Variants in IL1RAPL2 observed in about 807,000 individuals in gnomAD.
IL1RAPL2 encodes X-linked interleukin-1 receptor accessory protein-like 2.
Under a neutral mutation model 44.1 loss-of-function variants are expected in IL1RAPL2, and 3 were observed. That is an observed-to-expected ratio of 0.07 (90% CI 0.03 to 0.18). The LOEUF is 0.18. Ranked by LOEUF, IL1RAPL2 falls within the 10% of genes least tolerant of loss-of-function variation. IL1RAPL2 has a pLI of 1.00. For synonymous variants in IL1RAPL2, 181 were observed against 178.8 expected, an observed-to-expected ratio of 1.01 and a Z score of -0.10; for missense variants, 391 against 496.4, an observed-to-expected ratio of 0.79 and a Z score of 2.02.
At chrX:104,968,979 C>CTGTGTG (rs35842489) in intron 2 of IL1RAPL2, among the ~76,000 whole-genome samples, 5,325 of 81,962 alleles carry the variant, frequency 0.065, 223 homozygotes, top group Middle Eastern at 0.1. Flanking sequence ...TTGCCTTTTG[C>CTGTGTG]TGTGTGTGTG....
At chrX:105,720,897 C>T (rs746243518) in intron 7 of IL1RAPL2, among the ~76,000 whole-genome samples, 7 of 109,019 alleles carry the variant, frequency 6.4e-5, no homozygotes, top group South Asian at 8.2e-4. Flanking sequence ...CCCCAATTAT[C>T]GACATCTTAG....
chrX:104,596,802 A>C (rs1230357084), intron 1 of IL1RAPL2, among the ~76,000 whole-genome samples: 1 of 111,405 alleles, frequency 9.0e-6, no homozygotes, highest in Non-Finnish European at 1.9e-5. Flanking sequence ...AGAGACATTC[A>C]AGGATGAGGA....
chrX:105,014,198 C>A (rs1569361217), intron 2 of IL1RAPL2, among the ~76,000 whole-genome samples: 1 of 111,672 alleles, frequency 9.0e-6, no homozygotes, highest in African/African-American at 3.2e-5. Context: ...TTTATTGTTA[C>A]ATAATATTTG....
At chrX:105,311,352 G>GT (rs1424093314) in intron 5 of IL1RAPL2, among the ~76,000 whole-genome samples, 5 of 106,118 alleles carry the variant, frequency 4.7e-5, no homozygotes, top group Admixed American at 2.0e-4. Context: ...GTCCCATCTG[G>GT]TTTTTTTTTC....
intron 2 of IL1RAPL2, among the ~76,000 whole-genome samples, chrX:104,908,994 A>T (rs1177867543): frequency 1.8e-5 from 2 of 110,219 alleles, no homozygotes; most frequent in Non-Finnish European, 3.8e-5. Context: ...TCAGACGTAG[A>T]TTTGGTCTTT....
rs763344295 is a variant in IL1RAPL2, at chrX:104,843,659, T to A, written c.82+184664T>A. On this transcript the variant is annotated intron_variant, in intron 2 of 10. Transcript: ENST00000372582. Reference sequence around the variant, plus strand: ...GCCTGGGGGAGGGAGGTACCCCAGCTCCTTGCGCTTCCTGGGTGAAGTGAC... The same window carrying A: ...GCCTGGGGGAGGGAGGTACCCCAGCACCTTGCGCTTCCTGGGTGAAGTGAC... 5.5e-5 allele frequency among the ~76,000 whole-genome samples: 6 copies of A among 109,379 alleles called. No homozygotes were observed. The East Asian group carries it at 1.8e-3, about 32-fold the overall frequency. The allele number at this position is 109,379 out of a possible 115,157, so 95.0% of individuals were successfully genotyped here.
chrX:104,796,422 AC>A (rs1932849790), intron 2 of IL1RAPL2, among the ~76,000 whole-genome samples: 1 of 112,191 alleles, frequency 8.9e-6, no homozygotes, highest in African/African-American at 3.2e-5. Flanking sequence ...ATAATACAAA[AC>A]AGGAGGGTTG....
chrX:104,635,359 C>T (rs1394405955), intron 1 of IL1RAPL2, among the ~76,000 whole-genome samples: 4 of 110,027 alleles, frequency 3.6e-5, no homozygotes, highest in African/African-American at 6.6e-5. Flanking sequence ...TTGTGGCGTT[C>T]TCTGTATTTC....
intron 6 of IL1RAPL2, among the ~76,000 whole-genome samples, chrX:105,709,110 T>C (rs2038187693): frequency 8.9e-6 from 1 of 112,151 alleles, no homozygotes. Context: ...AAAATTCCTT[T>C]GTCAAGCTGA....
intron 2 of IL1RAPL2, among the ~76,000 whole-genome samples, chrX:104,986,732 T>C (rs2147729863): frequency 8.9e-6 from 1 of 112,539 alleles, no homozygotes; most frequent in African/African-American, 3.2e-5. Context: ...GAATTGCCAC[T>C]TAACTCAGTA....
At chrX:105,176,478 C>A (rs2033475420) in intron 2 of IL1RAPL2, among the ~76,000 whole-genome samples, 1 of 110,779 alleles carries the variant, frequency 9.0e-6, no homozygotes, top group Non-Finnish European at 1.9e-5. Flanking sequence ...TGCCCCCAGT[C>A]CTGGCCCCGA....
At chrX:105,409,869 T>C (rs12156811) in intron 5 of IL1RAPL2, among the ~76,000 whole-genome samples, 19,524 of 31,750 alleles carry the variant, frequency 0.61, 4,981 homozygotes, top group African/African-American at 0.76. Flanking sequence ...GACAGACAGA[T>C]AGATAGAGTG....
At chrX:105,618,947 C>T in intron 6 of IL1RAPL2, among the ~76,000 whole-genome samples, 1 of 111,188 alleles carries the variant, frequency 9.0e-6, no homozygotes, top group East Asian at 2.8e-4. Flanking sequence ...CCTGAGACTG[C>T]TTCACCTGCA....
At chrX:105,716,598 C>T (rs1034143115) in intron 6 of IL1RAPL2, among the ~76,000 whole-genome samples, 1 of 111,852 alleles carries the variant, frequency 8.9e-6, no homozygotes, top group Admixed American at 9.5e-5. Flanking sequence ...AAACCCCAGA[C>T]AGACATACCC....
intron 2 of IL1RAPL2, among the ~76,000 whole-genome samples, chrX:104,729,550 G>C (rs1266459877): frequency 1.0e-5 from 1 of 96,809 alleles, no homozygotes; most frequent in Admixed American, 1.3e-4. Flanking sequence ...ATACAGGTTT[G>C]TTATATAGGT....
intron 2 of IL1RAPL2, among the ~76,000 whole-genome samples, chrX:105,081,252 A>G (rs12389510): frequency 0.024 from 2,704 of 111,120 alleles, 67 homozygotes; most frequent in African/African-American, 0.084. Flanking sequence ...TTCCAGTACT[A>G]TGTTGAATAG....
chrX:105,243,763 A>G (rs1556211483), intron 4 of IL1RAPL2, among the ~76,000 whole-genome samples: 1 of 109,776 alleles, frequency 9.1e-6, no homozygotes, highest in African/African-American at 3.3e-5. Flanking sequence ...AGGGCCAACA[A>G]AGCATGCATT....
intron 1 of IL1RAPL2, among the ~76,000 whole-genome samples, chrX:104,630,907 T>C (rs954213304): frequency 1.8e-5 from 2 of 110,100 alleles, no homozygotes; most frequent in African/African-American, 3.3e-5. Context: ...GTTACATATG[T>C]ATACATGTGC....
At chrX:104,855,680 C>CTTTTTTTTTTTTTTTTTTTTTT (rs1304044009) in intron 2 of IL1RAPL2, among the ~76,000 whole-genome samples, 1 of 53,776 alleles carries the variant, frequency 1.9e-5, no homozygotes, top group African/African-American at 6.3e-5. Flanking sequence ...GATCTGGATC[C>CTTTTTTTTTTTTTTTTTTTTTT]GTTTTTTTTT....
Sources: gnomAD v4.1 joint callset for allele counts (sites outside exome capture counted in the v4.1 genomes callset) on GRCh38, gnomAD v4.1.1 for gene constraint, MANE v1.5 for transcripts, NCBI Gene and HGNC (gene_info 2026-07-23, HGNC 2026-07-21) for gene names.